The following SLC25A31 variants were observed in gnomAD, a reference collection of about 807,000 sequenced individuals.
The protein encoded by SLC25A31 is ADP/ATP translocase 4.
In SLC25A31, 40 loss-of-function variants were observed where a neutral mutation model predicts 36.2. The observed-to-expected ratio is 1.10, with a 90% CI of 0.86 to 1.44. The LOEUF (loss-of-function observed/expected upper bound fraction) is 1.44. Ranked by LOEUF, SLC25A31 falls within the 40% of genes most tolerant of loss-of-function variation. SLC25A31 has a pLI of 0.00. For missense variants in SLC25A31, 350 were observed against 397.1 expected, an observed-to-expected ratio of 0.88 and a Z score of 1.01; for synonymous variants, 143 against 149.7, an observed-to-expected ratio of 0.96 and a Z score of 0.32.
chr4:127,741,506 G>A (rs550513942), intron 1 of SLC25A31, among the ~76,000 whole-genome samples: 2 of 152,112 alleles, frequency 1.3e-5, no homozygotes, highest in South Asian at 2.1e-4. Flanking sequence ...CTGTTAATGC[G>A]GTATATGACA....
At chr4:127,771,278 A>G (rs1489491268) in intron 5 of SLC25A31, among the ~76,000 whole-genome samples, 2 of 152,094 alleles carry the variant, frequency 1.3e-5, no homozygotes, top group East Asian at 3.9e-4. Context: ...TTATAAGGAC[A>G]GTCATATTGG....
At chr4:127,748,689 A>G (rs1731867306) in intron 2 of SLC25A31, among the ~76,000 whole-genome samples, 1 of 152,208 alleles carries the variant, frequency 6.6e-6, no homozygotes, top group Non-Finnish European at 1.5e-5. Flanking sequence ...CTGTGGACCC[A>G]GCAGCAGCCA....
intron 1 of SLC25A31, among the ~76,000 whole-genome samples, chr4:127,744,117 T>C (rs1731779956): frequency 6.6e-6 from 1 of 152,154 alleles, no homozygotes; most frequent in Non-Finnish European, 1.5e-5. Context: ...TTTCTTCCCA[T>C]CTCTCCCTCA....
chr4:127,747,430 C>T (rs111590322), intron 2 of SLC25A31, among the ~76,000 whole-genome samples: 12 of 151,998 alleles, frequency 7.9e-5, no homozygotes, highest in East Asian at 3.9e-4. Context: ...GTGTCACCTC[C>T]GGAGGTGAAA....
rs572888518 is a variant in SLC25A31, at chr4:127,736,042, A to G, written c.232+5265A>G. 2.6e-3 allele frequency among the ~76,000 whole-genome samples: 396 copies of G among 150,590 alleles called. 2 individuals carry two copies. The highest frequency in any genetic ancestry group is 9.1e-3 in the African/African-American group (377 of 41,232). ...GTAGCTGGGACTACAGGCGCCCGCT[A>G]CCACGCCCGGCTAATTTTTTGTATT... On this transcript the variant is annotated intron_variant, in intron 1 of 5. Transcript: ENST00000281154.
At chr4:127,752,884 G>T (rs1309601049) in intron 2 of SLC25A31, among the ~76,000 whole-genome samples, 1 of 152,118 alleles carries the variant, frequency 6.6e-6, no homozygotes, top group Non-Finnish European at 1.5e-5. Context: ...CTGCACTTTA[G>T]ATCAAATAGA....
intron 1 of SLC25A31, among the ~76,000 whole-genome samples, chr4:127,741,714 T>A (rs1022953648): frequency 6.6e-6 from 1 of 152,178 alleles, no homozygotes; most frequent in African/African-American, 2.4e-5. Context: ...GGTACCGGGG[T>A]AATGTTGGCC....
chr4:127,753,853 C>T (rs1310407926), intron 2 of SLC25A31, among the ~76,000 whole-genome samples: 1 of 152,080 alleles, frequency 6.6e-6, no homozygotes, highest in Non-Finnish European at 1.5e-5. Flanking sequence ...CAGAGAAGGA[C>T]ACTAGAAGAA....
intron 2 of SLC25A31, among the ~76,000 whole-genome samples, chr4:127,751,986 T>C (rs950403828): frequency 4.6e-5 from 7 of 152,168 alleles, no homozygotes; most frequent in African/African-American, 1.7e-4. Context: ...GTAAACTAGT[T>C]CAACCATTGT....
At chr4:127,770,288 C>G (rs1430522277) in intron 5 of SLC25A31, among the ~76,000 whole-genome samples, 1 of 152,180 alleles carries the variant, frequency 6.6e-6, no homozygotes, top group Admixed American at 6.5e-5. Flanking sequence ...AATTTGATAA[C>G]TGTACTTTGG....
chr4:127,768,897 C>G lies in SLC25A31; in HGVS notation c.759+20C>G. 1 of 1,566,144 alleles carries G rather than the reference C, an allele frequency of 6.4e-7. No homozygotes were observed. The highest frequency in any genetic ancestry group is 8.6e-7 in the Non-Finnish European group (1 of 1,163,184). Reference sequence around the variant, plus strand: ...ATGCAGGTATTTTATGTTATTGTTTCTAAGCTTAGTTGAGTTTTTAATATC... The same window carrying G: ...ATGCAGGTATTTTATGTTATTGTTTGTAAGCTTAGTTGAGTTTTTAATATC... On this transcript the variant is annotated intron_variant, in intron 5 of 5. Transcript: ENST00000281154.
At chr4:127,766,048 A>G (rs1732234109) in intron 3 of SLC25A31, among the ~76,000 whole-genome samples, 1 of 152,146 alleles carries the variant, frequency 6.6e-6, no homozygotes, top group East Asian at 1.9e-4. Context: ...AAAATACTGG[A>G]AAAATATGAC....
At chr4:127,751,803 C>A (rs1319297597) in intron 2 of SLC25A31, among the ~76,000 whole-genome samples, 12 of 152,078 alleles carry the variant, frequency 7.9e-5, no homozygotes, top group Non-Finnish European at 1.5e-4. Context: ...ATGCAGCCAA[C>A]AGACACATGA....
intron 2 of SLC25A31, among the ~76,000 whole-genome samples, chr4:127,759,899 T>G (rs1346915522): frequency 6.6e-6 from 1 of 152,210 alleles, no homozygotes; most frequent in Non-Finnish European, 1.5e-5. Flanking sequence ...AAAGCCAATC[T>G]CAAAGGTTAT....
At chr4:127,737,495 C>T (rs959323529) in intron 1 of SLC25A31, among the ~76,000 whole-genome samples, 1 of 152,106 alleles carries the variant, frequency 6.6e-6, no homozygotes, top group Admixed American at 6.6e-5. Flanking sequence ...ATGTCTTTAT[C>T]ATTAAAACCT....
At chr4:127,731,033 G>A (rs905515508) in intron 1 of SLC25A31, among the ~76,000 whole-genome samples, 1 of 152,152 alleles carries the variant, frequency 6.6e-6, no homozygotes, top group Non-Finnish European at 1.5e-5. Context: ...TCTGCAGTGC[G>A]ATTTACACCT....
chr4:127,740,243 A>C (rs1326516544), intron 1 of SLC25A31, among the ~76,000 whole-genome samples: 1 of 151,466 alleles, frequency 6.6e-6, no homozygotes, highest in African/African-American at 2.4e-5. Flanking sequence ...TTCTTTTTCT[A>C]TGTAACATTA....
chr4:127,732,927 A>G (rs1315702536), intron 1 of SLC25A31, among the ~76,000 whole-genome samples: 1 of 152,262 alleles, frequency 6.6e-6, no homozygotes, highest in Non-Finnish European at 1.5e-5. Context: ...GGCAAGGGCC[A>G]GGAATGTTAA....
At chr4:127,745,507 T>A (rs1283656721) in intron 2 of SLC25A31, among the ~76,000 whole-genome samples, 1 of 152,168 alleles carries the variant, frequency 6.6e-6, no homozygotes, top group East Asian at 1.9e-4. Flanking sequence ...TCTCTTTTTC[T>A]CCCTATTACT....
Sources: allele counts gnomAD v4.1 joint callset (sites outside exome capture counted in the v4.1 genomes callset), GRCh38; gene constraint gnomAD v4.1.1; transcripts MANE v1.5; gene names NCBI Gene and HGNC (gene_info 2026-07-23, HGNC 2026-07-21).